Variants in ATP2B2 observed in about 807,000 individuals in gnomAD.
The protein encoded by ATP2B2 is plasma membrane calcium-transporting ATPase 2.
ATP2B2 carries 15 observed loss-of-function variants against 120.0 expected under a neutral mutation model. That is an observed-to-expected ratio of 0.12 (90% CI 0.08 to 0.19). ATP2B2 has a LOEUF of 0.19. Ranked by LOEUF, ATP2B2 falls within the 10% of genes least tolerant of loss-of-function variation. ATP2B2 has a pLI of 1.00. For missense variants in ATP2B2, 1,045 were observed against 1,719.8 expected, an observed-to-expected ratio of 0.61 and a Z score of 6.94; for synonymous variants, 694 against 700.3, an observed-to-expected ratio of 0.99 and a Z score of 0.14.
Position 10,329,285 on chromosome 3 carries a change from A to G in ATP2B2, c.3421-160T>C, listed in dbSNP as rs1414701155. On this transcript the variant is annotated intron_variant, in intron 22 of 22. Coordinates refer to ENST00000360273, the MANE Select transcript of ATP2B2 (RefSeq NM_001001331.4). The surrounding 1 kb of genome is among the most constrained non-coding windows in gnomAD (Gnocchi z 5.9). ...AGCATTGACAGGATGGGGGAGAGTGAAAAAGGGGGCTCAGGTTATAGGCAT... is the reference window on the plus strand; with the variant it reads ...AGCATTGACAGGATGGGGGAGAGTGGAAAAGGGGGCTCAGGTTATAGGCAT... 6.6e-6 allele frequency among the ~76,000 whole-genome samples: 1 copy of G among 151,934 alleles called. No individual in the cohort carries two copies. Among genetic ancestry groups the G allele is most frequent in the African/African-American group, 2.4e-5 (1 of 41,362 alleles).
intron 3 of ATP2B2, among the ~76,000 whole-genome samples, chr3:10,521,252 A>G (rs1387685483): frequency 1.3e-5 from 2 of 152,240 alleles, no homozygotes; most frequent in Non-Finnish European, 2.9e-5. Flanking sequence ...AGGGAAGCAG[A>G]GCCAATCCTA....
chr3:10,588,120 G>A (rs79122634), intron 2 of ATP2B2, among the ~76,000 whole-genome samples: 13 of 152,292 alleles, frequency 8.5e-5, no homozygotes, highest in South Asian at 2.1e-4. Flanking sequence ...CATGTTCACC[G>A]TATTTCAGGT....
At chr3:10,388,215 A>G (rs2061739930) in intron 6 of ATP2B2, 62 bp downstream of exon 6, 2 of 1,611,052 alleles carry the variant, frequency 1.2e-6, no homozygotes, top group South Asian at 2.2e-5. Context: ...GTGAACAAAT[A>G]AACAAAAAAA....
At chr3:10,485,154 A>G (rs1054902166) in intron 1 of ATP2B2, among the ~76,000 whole-genome samples, 4 of 152,238 alleles carry the variant, frequency 2.6e-5, no homozygotes, top group Admixed American at 2.6e-4. Context: ...CAGTAGCCAA[A>G]GTCATCACCA....
chr3:10,551,934 A>G (rs2067678562), intron 2 of ATP2B2, among the ~76,000 whole-genome samples: 1 of 152,262 alleles, frequency 6.6e-6, no homozygotes, highest in Non-Finnish European at 1.5e-5. Flanking sequence ...GAAGTTGCGA[A>G]CATTAACGCT....
chr3:10,639,813 C>T (rs2070122191), intron 1 of ATP2B2, among the ~76,000 whole-genome samples: 1 of 152,186 alleles, frequency 6.6e-6, no homozygotes. Context: ...TTTCTCTCTC[C>T]TGCCACCTTC....
intron 7 of ATP2B2, 45 bp downstream of exon 7, chr3:10,386,435 T>C: frequency 6.2e-7 from 1 of 1,603,248 alleles, no homozygotes; most frequent in Non-Finnish European, 8.5e-7. Context: ...CAAAGCCTGC[T>C]GCTATTTCTA....
intron 22 of ATP2B2, among the ~76,000 whole-genome samples, chr3:10,330,655 G>A (rs1448328822): frequency 6.6e-6 from 1 of 152,262 alleles, no homozygotes; most frequent in Non-Finnish European, 1.5e-5. Context: ...CGGGGAGGCA[G>A]GGGACTGGAC....
chr3:10,571,004 G>C (rs1331966749), intron 2 of ATP2B2, among the ~76,000 whole-genome samples: 1 of 152,214 alleles, frequency 6.6e-6, no homozygotes, highest in Non-Finnish European at 1.5e-5. Context: ...GAGTTGGCCT[G>C]CTTCATTCTT....
In ATP2B2 at chr3:10,707,902, G is replaced by T. The variant is rs571631145; in HGVS notation, c.-460+13C>A. 5.9e-5 allele frequency: 9 copies of T among 152,248 alleles called. No homozygotes were observed. The South Asian group carries it at 1.6e-3, about 27-fold the overall frequency. The allele number at this position is 152,248 out of a possible 1,614,324, so 9.4% of individuals were successfully genotyped here. Reference sequence around the variant, plus strand: ...AGAGGCCCAGAGCCCGGGCCCGGCCGCCCCTGCCTCACCTGCGCCGGCTCC... The same window carrying T: ...AGAGGCCCAGAGCCCGGGCCCGGCCTCCCCTGCCTCACCTGCGCCGGCTCC... On this transcript the variant is annotated intron_variant, in intron 1 of 21. Coordinates refer to the ATP2B2 transcript ENST00000646379.
chr3:10,436,877 C>T (rs928026158), intron 2 of ATP2B2, among the ~76,000 whole-genome samples: 1 of 151,946 alleles, frequency 6.6e-6, no homozygotes, highest in African/African-American at 2.4e-5. Context: ...CAGCCCCTTT[C>T]CCCTTGCATC....
chr3:10,333,620 G>C (rs1170977587), intron 22 of ATP2B2, among the ~76,000 whole-genome samples: 1 of 152,192 alleles, frequency 6.6e-6, no homozygotes, highest in African/African-American at 2.4e-5. Flanking sequence ...CCTCAGGCAG[G>C]GGTTTGGTCA....
In ATP2B2 at chr3:10,340,483, G is replaced by C; in HGVS notation, c.3129+10C>G. 2 of 1,614,208 alleles carry C rather than the reference G, an allele frequency of 1.2e-6. No individual in the cohort carries two copies. Among genetic ancestry groups the C allele is most frequent in the Non-Finnish European group, 1.7e-6 (2 of 1,180,012 alleles). ...CACCCCGGGCCTGGTTAGGGTGGGGGCCTCACTACCTGGATGGCAAAGGTG... is the reference window on the plus strand; with the variant it reads ...CACCCCGGGCCTGGTTAGGGTGGGGCCCTCACTACCTGGATGGCAAAGGTG... On this transcript the variant is annotated intron_variant, in intron 20 of 22. Transcript: ENST00000360273. This position sits in a 1 kb window ranked among gnomAD's most constrained non-coding sequence, Gnocchi z 5.0.
intron 1 of ATP2B2, among the ~76,000 whole-genome samples, chr3:10,478,962 C>G (rs1030563767): frequency 1.3e-5 from 2 of 152,250 alleles, no homozygotes; most frequent in Non-Finnish European, 2.9e-5. Flanking sequence ...GTGGCACTTC[C>G]CCCTTTGGGC....
chr3:10,423,247 C>T (rs1268474845), intron 2 of ATP2B2, among the ~76,000 whole-genome samples: 1 of 152,136 alleles, frequency 6.6e-6, no homozygotes, highest in African/African-American at 2.4e-5. Context: ...ATCTGGCCAC[C>T]CATCCCTAAG....
chr3:10,359,691 G>A (rs941105270), intron 13 of ATP2B2, among the ~76,000 whole-genome samples, 191 bp downstream of exon 13: 8 of 152,242 alleles, frequency 5.3e-5, no homozygotes, highest in African/African-American at 1.7e-4. Context: ...CAAGGGGCAT[G>A]CAAGTGAAGA....
intron 1 of ATP2B2, among the ~76,000 whole-genome samples, chr3:10,620,282 G>C (rs569408830): frequency 1.3e-5 from 2 of 152,284 alleles, no homozygotes; most frequent in South Asian, 2.1e-4. Context: ...CTCTTTGCTG[G>C]ATCCAGACAT....
Position 10,654,177 on chromosome 3 carries a change from A to C in ATP2B2, c.-459-34216T>G, listed in dbSNP as rs532580765. On this transcript the variant is annotated intron_variant, in intron 1 of 21. Coordinates refer to the ATP2B2 transcript ENST00000646379. ...ATAGAGAGGATAAGATACTTGCCCA[A>C]GGTAACAGATATTGAGGGTGGACTC... Among the ~76,000 whole-genome samples, 22 of 152,254 alleles carry C rather than the reference A, an allele frequency of 1.4e-4. No individual in the cohort carries two copies. In the South Asian group the frequency reaches 2.1e-3, roughly 14 times the overall value.
At chr3:10,463,069 C>T (rs2064566128) in intron 1 of ATP2B2, among the ~76,000 whole-genome samples, 1 of 152,228 alleles carries the variant, frequency 6.6e-6, no homozygotes, top group Admixed American at 6.5e-5. Context: ...ACCTCACTCT[C>T]CAAGATCTAG....
Sources: allele counts gnomAD v4.1 joint callset (sites outside exome capture counted in the v4.1 genomes callset), GRCh38; gene constraint gnomAD v4.1.1; non-coding constraint Gnocchi (gnomAD v3.1); transcripts MANE v1.5; gene names NCBI Gene and HGNC (gene_info 2026-07-23, HGNC 2026-07-21).